Variants in CEP128 observed in about 807,000 individuals in gnomAD.
CEP128 encodes centrosomal protein 128, also known as centrosomal protein 128kDa.
In CEP128, 132 loss-of-function variants were observed where a neutral mutation model predicts 156.7. The ratio of observed to expected loss-of-function variants is 0.84; its 90% CI spans 0.73 to 0.97. The LOEUF (loss-of-function observed/expected upper bound fraction) is 0.97, where lower values mean the gene tolerates loss of function less well. CEP128 is among the 50% of genes least tolerant of loss of function. CEP128 has a pLI of 0.00. For synonymous variants in CEP128, 469 were observed against 448.9 expected (o/e 1.04, Z -0.57); for missense variants, 1,252 against 1,281.9 (o/e 0.98, Z 0.36).
intron 24 of CEP128, among the ~76,000 whole-genome samples, chr14:80,498,198 A>G (rs1024562218): frequency 6.6e-6 from 1 of 152,096 alleles, no homozygotes; most frequent in African/African-American, 2.4e-5. Flanking sequence ...TGATCCATCC[A>G]TTCAGTTTAA....
At chr14:80,509,033 C>G (rs947690831) in intron 23 of CEP128, among the ~76,000 whole-genome samples, 4 of 151,720 alleles carry the variant, frequency 2.6e-5, no homozygotes, top group Non-Finnish European at 1.5e-5. Context: ...CAGGAGAGAG[C>G]GAGCATGGGA....
chr14:80,581,269 A>G (rs1435881280), intron 19 of CEP128, among the ~76,000 whole-genome samples: 1 of 152,240 alleles, frequency 6.6e-6, no homozygotes, highest in Non-Finnish European at 1.5e-5. Flanking sequence ...ACAGCAGTGT[A>G]TATTAATATG....
chr14:80,673,860 T>C (rs1476455062), intron 19 of CEP128, among the ~76,000 whole-genome samples: 3 of 151,718 alleles, frequency 2.0e-5, no homozygotes, highest in African/African-American at 7.3e-5. Flanking sequence ...AATTAATTAA[T>C]TCAAGAATAC....
intron 19 of CEP128, among the ~76,000 whole-genome samples, chr14:80,689,049 G>C (rs974261620): frequency 6.6e-6 from 1 of 152,200 alleles, no homozygotes; most frequent in Non-Finnish European, 1.5e-5. Flanking sequence ...ATGCACTGGA[G>C]ATACAATGAT....
chr14:80,752,683 C>G (rs1899454612), intron 18 of CEP128, among the ~76,000 whole-genome samples: 1 of 152,290 alleles, frequency 6.6e-6, no homozygotes, highest in Admixed American at 6.5e-5. Context: ...GGTTTATATT[C>G]AAGTGTGGAT....
At chr14:80,728,257 G>A (rs2619657) in intron 19 of CEP128, among the ~76,000 whole-genome samples, 95,886 of 151,688 alleles carry the variant, frequency 0.63, 32,848 homozygotes, top group African/African-American at 0.9. Flanking sequence ...TAATTAATTC[G>A]GGAACACAAA....
intron 19 of CEP128, among the ~76,000 whole-genome samples, chr14:80,628,266 T>C (rs888248785): frequency 7.2e-5 from 11 of 152,208 alleles, no homozygotes; most frequent in African/African-American, 2.4e-4. Context: ...TTTCCTTTCC[T>C]ATTCTTAGAA....
chr14:80,957,374 C>T (rs531406344), intron 2 of CEP128, among the ~76,000 whole-genome samples: 1 of 151,976 alleles, frequency 6.6e-6, no homozygotes, highest in East Asian at 1.9e-4. Flanking sequence ...TGCATGCCCA[C>T]TCAAGCAGGA....
chr14:80,675,560 T>C (rs1896026145), intron 19 of CEP128, among the ~76,000 whole-genome samples: 1 of 152,100 alleles, frequency 6.6e-6, no homozygotes, highest in South Asian at 2.1e-4. Context: ...TCTATGGGTC[T>C]TCTATGAAAT....
At chr14:80,747,723 C>T (rs1899176830) in intron 18 of CEP128, among the ~76,000 whole-genome samples, 1 of 152,158 alleles carries the variant, frequency 6.6e-6, no homozygotes, top group Admixed American at 6.5e-5. Flanking sequence ...AGGAGAATTG[C>T]TTGAACCCAG....
chr14:80,739,681 C>T (rs193016898), intron 19 of CEP128, among the ~76,000 whole-genome samples: 10 of 152,046 alleles, frequency 6.6e-5, no homozygotes, highest in Non-Finnish European at 1.3e-4. Flanking sequence ...TTTCACGTTA[C>T]ACTAGAGAGT....
intron 12 of CEP128, among the ~76,000 whole-genome samples, chr14:80,835,580 T>C (rs1351887730): frequency 1.3e-5 from 2 of 152,330 alleles, no homozygotes. Context: ...GAAACAATTA[T>C]ATAATCTCAA....
chr14:80,822,356 A>T (rs1885233169), intron 13 of CEP128, among the ~76,000 whole-genome samples: 1 of 152,214 alleles, frequency 6.6e-6, no homozygotes, highest in Admixed American at 6.5e-5. Flanking sequence ...AAATTGGCCA[A>T]AACAAAGGGG....
chr14:80,539,424 T>A (rs749513789), intron 21 of CEP128, among the ~76,000 whole-genome samples: 1 of 152,180 alleles, frequency 6.6e-6, no homozygotes. Flanking sequence ...CAGAGGAGCA[T>A]AACTTGTGAA....
chr14:80,882,733 T>C (rs1199905151), intron 8 of CEP128, among the ~76,000 whole-genome samples: 1 of 152,130 alleles, frequency 6.6e-6, no homozygotes, highest in Non-Finnish European at 1.5e-5. Context: ...TATTCAGCCA[T>C]CAAAACAATG....
intron 21 of CEP128, among the ~76,000 whole-genome samples, chr14:80,531,960 A>G (rs1889246896): frequency 1.3e-5 from 2 of 152,166 alleles, no homozygotes; most frequent in East Asian, 1.9e-4. Flanking sequence ...TCCAGAAGGC[A>G]TAACTACAAG....
At chr14:80,591,239 C>T (rs1394686200) in intron 19 of CEP128, among the ~76,000 whole-genome samples, 1 of 151,920 alleles carries the variant, frequency 6.6e-6, no homozygotes, top group Non-Finnish European at 1.5e-5. Context: ...CAAGACCCAT[C>T]GGTGTGCTGT....
intron 19 of CEP128, among the ~76,000 whole-genome samples, chr14:80,734,846 CAAAAAAAA>C (rs397798792): frequency 3.2e-5 from 2 of 62,072 alleles, no homozygotes; most frequent in Admixed American, 2.0e-4. Flanking sequence ...GACCCCATCT[CAAAAAAAA>C]AAAAAAAAAA....
chr14:80,599,513 G>T (rs1316947295), intron 19 of CEP128, among the ~76,000 whole-genome samples: 1 of 151,740 alleles, frequency 6.6e-6, no homozygotes, highest in Non-Finnish European at 1.5e-5. Context: ...CTGACCTCGT[G>T]ATCCACCCGC....
Sources: gnomAD v4.1 joint callset for allele counts (sites outside exome capture counted in the v4.1 genomes callset) on GRCh38, gnomAD v4.1.1 for gene constraint, MANE v1.5 for transcripts, NCBI Gene and HGNC (gene_info 2026-07-23, HGNC 2026-07-21) for gene names.